The following FAM163A variants were observed in gnomAD, a reference collection of about 807,000 sequenced individuals.
FAM163A encodes protein FAM163A.
In FAM163A, 7 loss-of-function variants were observed where a neutral mutation model predicts 12.0. The ratio of observed to expected loss-of-function variants is 0.58; its 90% confidence interval spans 0.33 to 1.10. The LOEUF is 1.10. FAM163A is among the 50% of genes least tolerant of loss of function. FAM163A has a pLI of 0.03. For missense variants in FAM163A, 202 were observed against 218.6 expected (o/e 0.92, Z 0.48); for synonymous variants, 101 against 91.0 (o/e 1.11, Z -0.62).
chr1:179,769,351 C>T (rs561741244), intron 1 of FAM163A, among the ~76,000 whole-genome samples: 1 of 151,896 alleles, frequency 6.6e-6, no homozygotes, highest in African/African-American at 2.4e-5. Flanking sequence ...TGGGATCTCA[C>T]TACACTGTCC....
At chr1:179,762,603 A>G (rs957935888) in intron 1 of FAM163A, among the ~76,000 whole-genome samples, 3 of 152,216 alleles carry the variant, frequency 2.0e-5, no homozygotes, top group Non-Finnish European at 4.4e-5. Flanking sequence ...ATTCAAGATT[A>G]TATCAAGTGA....
the FAM163A span, among the ~76,000 whole-genome samples, chr1:179,731,360 A>G: frequency 6.6e-6 from 1 of 152,324 alleles, no homozygotes. Context: ...GTAAATGGCC[A>G]GATGACAGCG....
At chr1:179,811,093 G>A (rs552684154) in intron 2 of FAM163A, among the ~76,000 whole-genome samples, 6 of 152,206 alleles carry the variant, frequency 3.9e-5, no homozygotes, top group South Asian at 2.1e-4. Context: ...TCACGTAAGC[G>A]GAAGAAAGGG....
At chr1:179,784,033 G>A (rs969838845) in intron 1 of FAM163A, among the ~76,000 whole-genome samples, 3 of 152,080 alleles carry the variant, frequency 2.0e-5, no homozygotes, top group African/African-American at 7.2e-5. Flanking sequence ...ATACAGGTGA[G>A]ATTCCTGCTG....
intron 1 of FAM163A, among the ~76,000 whole-genome samples, chr1:179,753,850 T>G (rs979749710): frequency 2.0e-5 from 3 of 152,158 alleles, no homozygotes; most frequent in African/African-American, 7.2e-5. Context: ...GGAGCACTTA[T>G]TAACTGTGTG....
chr1:179,793,100 A>C (rs1691758047), intron 1 of FAM163A, among the ~76,000 whole-genome samples: 1 of 152,102 alleles, frequency 6.6e-6, no homozygotes, highest in African/African-American at 2.4e-5. Context: ...ACAGGTCTTT[A>C]GATATCTGAC....
chr1:179,730,107 A>C, the FAM163A span: 2 of 152,228 alleles, frequency 1.3e-5, no homozygotes, highest in East Asian at 3.8e-4. Context: ...AAAGAGCCCC[A>C]TCCTAATTCA....
chr1:179,816,101 G>T lies in FAM163A; in HGVS notation c.*1912G>T, dbSNP rs1316927076. On this transcript the variant is annotated 3_prime_UTR_variant, in exon 5 of 5. Transcript: ENST00000341785. Reference sequence around the variant, plus strand: ...AGCACTCCCTCTTGCCCTAATCCTGGCAGGGTCTGGATGTATTTACCCAAC... The same window carrying T: ...AGCACTCCCTCTTGCCCTAATCCTGTCAGGGTCTGGATGTATTTACCCAAC... 1 of 152,326 alleles carries T rather than the reference G, an allele frequency of 6.6e-6. No homozygotes were observed. The highest frequency in any genetic ancestry group is 2.1e-4 in the South Asian group (1 of 4,826). The allele number at this position is 152,326 out of a possible 1,614,324, so 9.4% of individuals were successfully genotyped here.
chr1:179,796,004 T>C (rs755517211), intron 1 of FAM163A, among the ~76,000 whole-genome samples: 2 of 146,806 alleles, frequency 1.4e-5, no homozygotes, highest in Non-Finnish European at 3.0e-5. Context: ...TCCTTAGCCA[T>C]TCCCTTCCTC....
chr1:179,738,289 G>A, the FAM163A span, among the ~76,000 whole-genome samples: 1 of 152,182 alleles, frequency 6.6e-6, no homozygotes, highest in East Asian at 1.9e-4. Flanking sequence ...GTGAGGTGAT[G>A]TATTTGCTAA....
intron 1 of FAM163A, among the ~76,000 whole-genome samples, chr1:179,755,004 G>T (rs938237155): frequency 2.0e-5 from 3 of 152,116 alleles, no homozygotes; most frequent in Admixed American, 2.0e-4. Flanking sequence ...GGGTGTGGTG[G>T]CAGACACCTG....
intron 1 of FAM163A, among the ~76,000 whole-genome samples, chr1:179,802,942 C>G (rs538668563): frequency 6.6e-6 from 1 of 152,070 alleles, no homozygotes; most frequent in East Asian, 1.9e-4. Context: ...TAGAGAGACC[C>G]CTTCTCAAAC....
At chr1:179,800,088 A>G (rs1692943809) in intron 1 of FAM163A, among the ~76,000 whole-genome samples, 1 of 152,194 alleles carries the variant, frequency 6.6e-6, no homozygotes, top group Admixed American at 6.5e-5. Flanking sequence ...TTGAGCATCT[A>G]CTATGTTCTA....
intron 2 of FAM163A, among the ~76,000 whole-genome samples, chr1:179,809,927 C>T (rs1014736567): frequency 6.6e-6 from 1 of 152,154 alleles, no homozygotes; most frequent in Non-Finnish European, 1.5e-5. Context: ...CCGCCATGCA[C>T]CTGGGCAAAA....
chr1:179,743,519 G>C (rs1337443078), intron 1 of FAM163A, 96 bp downstream of exon 1: 1 of 152,376 alleles, frequency 6.6e-6, no homozygotes, highest in African/African-American at 2.4e-5. Context: ...GCTCCGCGCG[G>C]GGATGTGTCT....
the FAM163A span, among the ~76,000 whole-genome samples, chr1:179,732,385 TTCAGTG>T: frequency 6.6e-6 from 1 of 152,234 alleles, no homozygotes. Context: ...CAAAGCTTTT[TTCAGTG>T]TGGGCACTGT....
chr1:179,759,019 A>G (rs1686429200), intron 1 of FAM163A, among the ~76,000 whole-genome samples: 1 of 152,220 alleles, frequency 6.6e-6, no homozygotes, highest in African/African-American at 2.4e-5. Context: ...TGTGTCTCAG[A>G]TGTTGGGCCA....
intron 1 of FAM163A, among the ~76,000 whole-genome samples, chr1:179,758,671 G>A (rs919715119): frequency 6.6e-6 from 1 of 152,174 alleles, no homozygotes; most frequent in Non-Finnish European, 1.5e-5. Flanking sequence ...CTCCGTCCAG[G>A]ACTGACTTTT....
chr1:179,804,834 G>A (rs1693694919), intron 1 of FAM163A, among the ~76,000 whole-genome samples: 1 of 152,030 alleles, frequency 6.6e-6, no homozygotes, highest in African/African-American at 2.4e-5. Context: ...GGAGGGGACA[G>A]AAAAAAATAA....
Sources: gnomAD v4.1 joint callset for allele counts (sites outside exome capture counted in the v4.1 genomes callset) on GRCh38, gnomAD v4.1.1 for gene constraint, MANE v1.5 for transcripts, NCBI Gene and HGNC (gene_info 2026-07-23, HGNC 2026-07-21) for gene names.